The following ADPRH variants were observed in gnomAD, a reference collection of about 807,000 sequenced individuals.
ADPRH encodes ADP-ribose-L-arginine cleaving enzyme.
A neutral mutation model predicts 28.8 loss-of-function variants in ADPRH; 27 were observed. The ratio of observed to expected loss-of-function variants is 0.94; its 90% CI spans 0.69 to 1.29. The LOEUF (loss-of-function observed/expected upper bound fraction) is 1.29, where lower values mean the gene tolerates loss of function less well. ADPRH is among the 50% of genes most tolerant of loss of function. The probability of loss-of-function intolerance (pLI) is 0.00; values close to 1 mark genes in which losing one functional copy is unlikely to be tolerated. For synonymous variants in ADPRH, 161 were observed against 166.9 expected (o/e 0.96, Z 0.27); for missense variants, 419 against 444.8 (o/e 0.94, Z 0.52).
intron 1 of ADPRH, chr3:119,580,309 GC>G (rs1167719985): frequency 6.6e-6 from 1 of 152,170 alleles, no homozygotes; most frequent in Non-Finnish European, 1.5e-5. Context: ...AAATCGCAGC[GC>G]AGGACGGAAC....
rs758454345 is a variant in ADPRH at position 119,586,586 on chromosome 3, A to G, written c.600A>G (p.Pro200=). Residue 200 remains proline (P), a synonymous_variant, in exon 4 of 5, where the codon CCA becomes CCG. Transcript: ENST00000357003. ...QWGKGLMELL[P]EAKKYIVQSG... ...GAAAAGGACTGATGGAGCTGCTACC[A>G]GAAGCTAAAAAGTACATTGTCCAAT... 31 of 1,614,088 alleles carry G rather than the reference A, an allele frequency of 1.9e-5. No individual in the cohort carries two copies. Among genetic ancestry groups the G allele is most frequent in the Non-Finnish European group, 2.5e-5 (30 of 1,180,010 alleles).
chr3:119,581,765 G>A (rs2082406252), intron 2 of ADPRH, among the ~76,000 whole-genome samples: 1 of 152,190 alleles, frequency 6.6e-6, no homozygotes, highest in Non-Finnish European at 1.5e-5. Flanking sequence ...TGATGAGCTG[G>A]GTTTGACTTG....
chr3:119,582,959 C>G (rs933150891), intron 3 of ADPRH, among the ~76,000 whole-genome samples: 1 of 152,194 alleles, frequency 6.6e-6, no homozygotes, highest in Admixed American at 6.5e-5. Flanking sequence ...TGTGGTGGAA[C>G]AGTTTTGTCC....
intron 2 of ADPRH, among the ~76,000 whole-genome samples, chr3:119,581,877 C>T (rs1193248088): frequency 1.3e-5 from 2 of 152,104 alleles, no homozygotes; most frequent in African/African-American, 4.8e-5. Context: ...GATCCCAGCC[C>T]TGCCACTTAT....
intron 3 of ADPRH, 86 bp from the exon 4 acceptor site, chr3:119,586,199 T>C: frequency 1.3e-6 from 2 of 1,565,718 alleles, no homozygotes; most frequent in Non-Finnish European, 1.7e-6. Context: ...TCAAAAATAC[T>C]TGGAGACAGA....
chr3:119,583,924 C>T (rs949296575), intron 3 of ADPRH, among the ~76,000 whole-genome samples: 183 of 151,830 alleles, frequency 1.2e-3, no homozygotes, highest in African/African-American at 4.2e-3. Context: ...ATTACAGGCA[C>T]GCACCACCAC....
intron 2 of ADPRH, chr3:119,581,930 TG>T (rs777226650): frequency 2.2e-5 from 10 of 444,810 alleles, no homozygotes; most frequent in Non-Finnish European, 3.6e-5. Context: ...TTTCTCAAAC[TG>T]CATTATCTCC....
chr3:119,587,361 G>A, intron 4 of ADPRH, 103 bp from the exon 5 acceptor site: 1 of 911,910 alleles, frequency 1.1e-6, no homozygotes, highest in Non-Finnish European at 1.6e-6. Flanking sequence ...AGAAGCCGAA[G>A]TTATGTTGGA....
In ADPRH at chr3:119,582,288, T is replaced by C. The variant is rs769794255; in HGVS notation, c.119T>C (p.Leu40Pro). Residue 40 changes from leucine to proline, a missense_variant, in exon 3 of 5, where the codon CTG becomes CCG. Transcript: ENST00000357003. ...GEKIHRQLAQLGGLDALDVGR... is the reference protein window; with the variant it reads ...GEKIHRQLAQPGGLDALDVGR... ...AAGATACACCGGCAGTTGGCCCAGC[T>C]GGGCGGCTTGGATGCCCTAGACGTG... 1 of 1,614,214 alleles carries C rather than the reference T, an allele frequency of 6.2e-7. No individual in the cohort carries two copies. The highest frequency in any genetic ancestry group is 8.5e-7 in the Non-Finnish European group (1 of 1,180,032).
intron 3 of ADPRH, among the ~76,000 whole-genome samples, chr3:119,583,059 C>T (rs2082422952): frequency 6.6e-6 from 1 of 152,044 alleles, no homozygotes; most frequent in African/African-American, 2.4e-5. Flanking sequence ...ACTACAACTC[C>T]AGAAAAAAAT....
chr3:119,582,450 T>A lies in ADPRH; in HGVS notation c.281T>A (p.Met94Lys). 6.2e-7 allele frequency: 1 copy of A among 1,613,078 alleles called. No individual in the cohort carries two copies. Among genetic ancestry groups the A allele is most frequent in the Non-Finnish European group, 8.5e-7 (1 of 1,179,222 alleles). Residue 94 changes from methionine (M) to lysine (K), a missense_variant, in exon 3 of 5, where the codon ATG becomes AAG. By Grantham distance (95) the Met-to-Lys change is moderately conservative (BLOSUM62 -1). Transcript: ENST00000357003. ...AKHYQDCMED[M>K]DGRAPGGASV... ...CATTACCAAGACTGCATGGAAGACA[T>A]GGATGGGCGGGCACCAGGTGAGCAC...
Position 119,588,012 on chromosome 3 carries a change from A to G in ADPRH, c.*134A>G. The G allele has an allele frequency of 1.0e-6, 1 of 958,046 alleles. No individual in the cohort carries two copies. The highest frequency in any genetic ancestry group is 3.4e-4 in the Middle Eastern group (1 of 2,936). 59.3% of individuals were successfully genotyped at this position (958,046 alleles called of 1,614,324 possible). ...TTTTGAGATAACAAGTCCCTTGGGCACCTTAAGCTCAGTTTTTTCAGGCTC... is the reference window on the plus strand; with the variant it reads ...TTTTGAGATAACAAGTCCCTTGGGCGCCTTAAGCTCAGTTTTTTCAGGCTC... On this transcript the variant is annotated 3_prime_UTR_variant, in exon 5 of 5. Coordinates refer to ENST00000357003, the MANE Select transcript of ADPRH (RefSeq NM_001125.4).
Position 119,582,306 on chromosome 3 carries a change from TA to T in ADPRH, c.138del (p.Asp47ThrfsTer12), listed in dbSNP as rs2082412912. ...GCCCAGCTGGGCGGCTTGGATGCCC[TA>T]GACGTGGGAAGGTGGAGAGTTAGTG... ...QLAQLGGLDA[L>X]DVGRWRVSDD... On this transcript the variant is annotated frameshift_variant, in exon 3 of 5. Coordinates refer to ENST00000357003, the MANE Select transcript of ADPRH (RefSeq NM_001125.4). LOFTEE classifies it high-confidence loss of function. 1 of 1,614,162 alleles carries T rather than the reference TA, an allele frequency of 6.2e-7. No individual in the cohort carries two copies. The highest frequency in any genetic ancestry group is 2.2e-5 in the East Asian group (1 of 44,878).
chr3:119,586,077 G>C lies in ADPRH; in HGVS notation c.299-208G>C, dbSNP rs565194090. ...CCAAGGATCCCTATATGAGTCTGCT[G>C]CCTTTATTAGCGTTATCTTGCCAAG... On this transcript the variant is annotated intron_variant, in intron 3 of 4. Coordinates refer to ENST00000357003, the MANE Select transcript of ADPRH (RefSeq NM_001125.4). 2.6e-5 allele frequency among the ~76,000 whole-genome samples: 4 copies of C among 152,328 alleles called. No individual in the cohort carries two copies. In the East Asian group the frequency reaches 7.7e-4, roughly 29 times the overall value.
rs898053225 is a variant in ADPRH, at chr3:119,586,157, GCAT to G, written c.299-121_299-119del. The G allele has an allele frequency of 8.8e-5, 120 of 1,369,058 alleles. No individual in the cohort carries two copies. In the African/African-American group the frequency reaches 1.6e-3, roughly 18 times the overall value. The allele number at this position is 1,369,058 out of a possible 1,614,324, so 84.8% of individuals were successfully genotyped here. On this transcript the variant is annotated intron_variant, in intron 3 of 4. Coordinates refer to ENST00000357003, the MANE Select transcript of ADPRH (RefSeq NM_001125.4). ...GGTGGGGTTTGGAGTTTTGGGGCAT[GCAT>G]CATCATATTTTTTGGCTCTCCCTTT...
At chr3:119,584,280 C>A (rs897859136) in intron 3 of ADPRH, among the ~76,000 whole-genome samples, 1 of 151,508 alleles carries the variant, frequency 6.6e-6, no homozygotes, top group African/African-American at 2.4e-5. Flanking sequence ...AAGAAAAATG[C>A]GGCTAGGCAT....
rs1399053771 is a variant in ADPRH at position 119,586,641 on chromosome 3, C to A, written c.655C>A (p.His219Asn). 6.2e-7 allele frequency: 1 copy of A among 1,613,440 alleles called. No homozygotes were observed. Among genetic ancestry groups the A allele is most frequent in the South Asian group, 1.1e-5 (1 of 91,008 alleles). The change falls in exon 4 of 5, where the codon CAC becomes AAC. Residue 219 changes from histidine (H) to asparagine (N), a missense_variant. Transcript: ENST00000357003. The part of the protein sequence containing the change: ...SGYFVEENLQ[H>N]WSYFQTKWEN... ...CTACTTTGTAGAGGAAAATCTTCAA[C>A]ACTGGTGAGTCTGTAAGCGCACGCC... is the stretch of plus-strand genomic sequence containing the variant.
At chr3:119,581,893 C>G (rs545596472) in intron 2 of ADPRH, among the ~76,000 whole-genome samples, 2 of 146,652 alleles carry the variant, frequency 1.4e-5, no homozygotes, top group East Asian at 3.9e-4. Context: ...CTTATTGGCT[C>G]TGTGACCTGA....
chr3:119,585,662 G>A (rs916788443), intron 3 of ADPRH, among the ~76,000 whole-genome samples: 1 of 152,216 alleles, frequency 6.6e-6, no homozygotes, highest in Non-Finnish European at 1.5e-5. Context: ...CGATTCTCCT[G>A]CCTCAGCCTT....
Sources: gnomAD v4.1 joint callset for allele counts (sites outside exome capture counted in the v4.1 genomes callset) on GRCh38, gnomAD v4.1.1 for gene constraint, MANE v1.5 for transcripts, NCBI Gene and HGNC (gene_info 2026-07-23, HGNC 2026-07-21) for gene names.